The following WDR49 variants were observed in gnomAD, a reference collection of about 807,000 sequenced individuals.
The protein encoded by WDR49 is cilia- and flagella-associated protein 337.
Under a neutral mutation model 119.5 loss-of-function variants are expected in WDR49, and 107 were observed. The ratio of observed to expected loss-of-function variants is 0.90; its 90% CI spans 0.77 to 1.05. WDR49 has a LOEUF of 1.05. Ranked by LOEUF, WDR49 falls within the 50% of genes least tolerant of loss-of-function variation. The probability of loss-of-function intolerance (pLI) is 0.00; values close to 1 mark genes in which losing one functional copy is unlikely to be tolerated. For synonymous variants in WDR49, 425 were observed against 418.8 expected, an observed-to-expected ratio of 1.01 and a Z score of -0.18; for missense variants, 1,240 against 1,220.5, an observed-to-expected ratio of 1.02 and a Z score of -0.24.
At position 167,522,380 on chromosome 3, in the gene WDR49, T is replaced by C. The variant is rs1752482476; in HGVS notation, c.2709A>G (p.Glu903=). The stretch of plus-strand genomic sequence containing the variant: ...AATGTTCTGTTGGGTCTAAACAAGA[T>C]TCCTCCTTAGAAAATAAAGAAATTT... ...QKEISLFSKE[E]SCLDPTEHSL... is the part of the protein sequence containing the mutation. The change falls in exon 16 of 19, where the codon GAA becomes GAG. Residue 903 remains glutamate (E), a synonymous_variant. Transcript: ENST00000682715. 2 of 1,610,788 alleles carry C rather than the reference T, an allele frequency of 1.2e-6. No homozygotes were observed. Among genetic ancestry groups the C allele is most frequent in the East Asian group, 4.5e-5 (2 of 44,716 alleles).
At chr3:167,519,276 C>G (rs573323569) in intron 16 of WDR49, among the ~76,000 whole-genome samples, 383 of 152,250 alleles carry the variant, frequency 2.5e-3, no homozygotes, top group South Asian at 9.1e-3. Context: ...ACCCAGCAAT[C>G]TCATTACTGG....
chr3:167,522,622 G>T (rs749399475), intron 15 of WDR49, 138 bp from the exon 16 acceptor site: 10 of 747,376 alleles, frequency 1.3e-5, no homozygotes, highest in Non-Finnish European at 2.0e-5. Context: ...ATATGACTCC[G>T]GTCCACAAGA....
chr3:167,634,139 A>AGTTC (rs1717505869), intron 2 of WDR49, among the ~76,000 whole-genome samples: 1 of 151,962 alleles, frequency 6.6e-6, no homozygotes, highest in South Asian at 2.1e-4. Context: ...ACTGCTTAAT[A>AGTTC]GTGTTTTAAA....
At chr3:167,573,504 A>G (rs1354655761) in intron 8 of WDR49, among the ~76,000 whole-genome samples, 2 of 152,060 alleles carry the variant, frequency 1.3e-5, no homozygotes, top group Non-Finnish European at 2.9e-5. Context: ...TTAAAACACA[A>G]GAATATAAGA....
intron 14 of WDR49, 49 bp from the exon 15 acceptor site, chr3:167,528,066 A>G (rs1385304707): frequency 6.6e-7 from 1 of 1,515,744 alleles, no homozygotes; most frequent in Admixed American, 1.8e-5. Context: ...ATATGAAATG[A>G]TTACAATGAC....
chr3:167,550,819 T>A, intron 10 of WDR49, among the ~76,000 whole-genome samples: 1 of 147,794 alleles, frequency 6.8e-6, no homozygotes, highest in Non-Finnish European at 1.5e-5. Context: ...TATTATAAAA[T>A]CATAGATTTT....
rs140910521 is a variant in WDR49, at chr3:167,549,819, G to A, written c.1823+4831C>T. On this transcript the variant is annotated intron_variant, in intron 10 of 18. Coordinates refer to ENST00000682715, the MANE Select transcript of WDR49 (RefSeq NM_001366157.1). The stretch of plus-strand genomic sequence containing the variant: ...CCAGGTTTTCTTCCAGGATGTTTAC[G>A]GTTTTAGGTCTAACATTTAAGTCTT... Among the ~76,000 whole-genome samples the A allele has an allele frequency of 3.5e-3, 527 of 152,154 alleles. 5 individuals carry two copies. The highest frequency in any genetic ancestry group is 0.031 in the East Asian group (160 of 5,178).
At chr3:167,540,096 T>C (rs1010778020) in intron 10 of WDR49, among the ~76,000 whole-genome samples, 14 of 152,114 alleles carry the variant, frequency 9.2e-5, no homozygotes, top group African/African-American at 3.4e-4. Context: ...ACTCAGGACA[T>C]TACAGCAACT....
intron 8 of WDR49, among the ~76,000 whole-genome samples, chr3:167,573,159 A>G (rs2108281543): frequency 6.6e-6 from 1 of 152,268 alleles, no homozygotes; most frequent in African/African-American, 2.4e-5. Flanking sequence ...CCAAGATTTC[A>G]GTCCTAACAA....
At chr3:167,490,962 C>T (rs1751111240) in intron 18 of WDR49, among the ~76,000 whole-genome samples, 2 of 151,948 alleles carry the variant, frequency 1.3e-5, no homozygotes, top group Admixed American at 1.3e-4. Context: ...TACAACTTTC[C>T]AAATTAACAT....
intron 10 of WDR49, among the ~76,000 whole-genome samples, chr3:167,548,145 T>C (rs1712321679): frequency 6.6e-6 from 1 of 152,030 alleles, no homozygotes; most frequent in African/African-American, 2.4e-5. Context: ...ATAAAATGTT[T>C]TAAATGGGAC....
chr3:167,574,184 G>C (rs775108740), intron 8 of WDR49, among the ~76,000 whole-genome samples: 4 of 152,184 alleles, frequency 2.6e-5, no homozygotes, highest in Non-Finnish European at 5.9e-5. Flanking sequence ...TTAGGACCCA[G>C]ATTTTCCCTT....
chr3:167,653,583 T>C, intron 1 of WDR49, 84 bp from the exon 2 acceptor site: 1 of 812,656 alleles, frequency 1.2e-6, no homozygotes, highest in South Asian at 2.6e-5. Context: ...AGGCAAAATG[T>C]TCAAGCTGAG....
chr3:167,653,189 A>G, intron 2 of WDR49, 72 bp downstream of exon 2: 1 of 1,479,516 alleles, frequency 6.8e-7, no homozygotes, highest in Non-Finnish European at 9.1e-7. Context: ...TTAAAGAAAA[A>G]TATCTCTGTG....
In WDR49 at chr3:167,522,411, T is replaced by C; in HGVS notation, c.2678A>G (p.Gln893Arg). The C allele has an allele frequency of 1.9e-6, 3 of 1,611,870 alleles. No homozygotes were observed. The highest frequency in any genetic ancestry group is 2.5e-6 in the Non-Finnish European group (3 of 1,179,308). Reference sequence around the variant, plus strand: ...CTTAGAAAATAAAGAAATTTCCTTTTGAATCTCACTTTCCACTAAATTAGT... The same window carrying C: ...CTTAGAAAATAAAGAAATTTCCTTTCGAATCTCACTTTCCACTAAATTAGT... ...RDTNLVESEI[Q>R]KEISLFSKEE... The change falls in exon 16 of 19, where the codon CAA becomes CGA. Residue 893 changes from glutamine to arginine, a missense_variant. By Grantham distance (43) the Gln-to-Arg change is conservative. Coordinates refer to ENST00000682715, the MANE Select transcript of WDR49 (RefSeq NM_001366157.1).
rs945785215 is a variant in WDR49 at position 167,528,222 on chromosome 3, TA to T, written c.2407-206del. 6.0e-5 allele frequency among the ~76,000 whole-genome samples: 9 copies of T among 150,260 alleles called. No homozygotes were observed. The East Asian group carries it at 1.2e-3, about 20-fold the overall frequency. ...CTAACTTATCTGATTACTTGGGAAATAAAAAAAAGGAACTAGTGGGGAAGGA... is the reference window on the plus strand; with the variant it reads ...CTAACTTATCTGATTACTTGGGAAATAAAAAAAGGAACTAGTGGGGAAGGA... On this transcript the variant is annotated intron_variant, in intron 14 of 18. Coordinates refer to ENST00000682715, the MANE Select transcript of WDR49 (RefSeq NM_001366157.1).
chr3:167,637,576 C>T (rs1243292867), intron 2 of WDR49, among the ~76,000 whole-genome samples: 1 of 151,702 alleles, frequency 6.6e-6, no homozygotes, highest in African/African-American at 2.4e-5. Flanking sequence ...TTGTAGATTG[C>T]TTTTGGCAGT....
At chr3:167,599,059 G>C (rs116502977) in intron 7 of WDR49, among the ~76,000 whole-genome samples, 295 of 152,218 alleles carry the variant, frequency 1.9e-3, no homozygotes, top group Non-Finnish European at 3.2e-3. Flanking sequence ...ACTGGGTCTT[G>C]CCAAAAGCCT....
chr3:167,484,354 G>A (rs985679368), intron 18 of WDR49, among the ~76,000 whole-genome samples: 1 of 151,984 alleles, frequency 6.6e-6, no homozygotes. Flanking sequence ...TAAATGATGA[G>A]TTAATGGGTG....
Sources: gnomAD v4.1 joint callset for allele counts (sites outside exome capture counted in the v4.1 genomes callset) on GRCh38, gnomAD v4.1.1 for gene constraint, MANE v1.5 for transcripts, NCBI Gene and HGNC (gene_info 2026-07-23, HGNC 2026-07-21) for gene names.